TRPC3: variants seen among roughly 807,000 people sequenced by gnomAD.
TRPC3 encodes the protein short transient receptor potential channel 3.
In TRPC3, 54 loss-of-function variants were observed where a neutral mutation model predicts 90.9. The ratio of observed to expected loss-of-function variants is 0.59; its 90% CI spans 0.48 to 0.75. The LOEUF is 0.75. Ranked by LOEUF, TRPC3 falls within the 30% of genes least tolerant of loss-of-function variation. The pLI is 0.00. For missense variants in TRPC3, 918 were observed against 1,194.5 expected (o/e 0.77, Z 3.41); for synonymous variants, 424 against 450.9 (o/e 0.94, Z 0.75).
intron 1 of TRPC3, among the ~76,000 whole-genome samples, chr4:121,941,606 AG>A (rs1730314035): frequency 1.8e-4 from 5 of 27,596 alleles, no homozygotes; most frequent in Non-Finnish European, 3.7e-4. Context: ...AGAAAGTCAG[AG>A]AAGAAAAGAC....
At chr4:121,910,546 C>T (rs1729044286) in intron 5 of TRPC3, among the ~76,000 whole-genome samples, 159 bp from the exon 6 acceptor site, 1 of 152,116 alleles carries the variant, frequency 6.6e-6, no homozygotes, top group Non-Finnish European at 1.5e-5. Flanking sequence ...CACTGAGGCC[C>T]TGTGCAGAGT....
In TRPC3 at chr4:121,932,454, C is replaced by G; in HGVS notation, c.804G>C (p.Lys268Asn). The G allele has an allele frequency of 6.2e-7, 1 of 1,614,222 alleles. No homozygotes were observed. The highest frequency in any genetic ancestry group is 8.5e-7 in the Non-Finnish European group (1 of 1,180,040). ...RIERPHDYFC[K>N]CGDCMEKQRH... ...TCTGCTTCTCCATGCAGTCCCCGCA[C>G]TTGCAGAAATAGTCGTGCGGCCGCT... Residue 268 changes from lysine (K) to asparagine (N), a missense_variant, in exon 2 of 12, where the codon AAG becomes AAC. Lys to Asn is a moderately conservative substitution (Grantham distance 94, BLOSUM62 0). This residue lies in a region of TRPC3 where 609 missense variants were observed against 725.9 expected (regional missense o/e 0.84). Coordinates refer to ENST00000379645, the MANE Select transcript of TRPC3 (RefSeq NM_001130698.2). This position sits in a 1 kb window ranked among gnomAD's most constrained non-coding sequence, Gnocchi z 7.7.
intron 1 of TRPC3, among the ~76,000 whole-genome samples, chr4:121,945,769 G>T (rs1030402558): frequency 6.6e-6 from 1 of 152,090 alleles, no homozygotes; most frequent in Non-Finnish European, 1.5e-5. Context: ...TGCTCTAGAC[G>T]TGGGGATACC....
At chr4:121,921,659 G>A (rs1448692233) in intron 3 of TRPC3, among the ~76,000 whole-genome samples, 1 of 152,136 alleles carries the variant, frequency 6.6e-6, no homozygotes, top group Admixed American at 6.5e-5. Context: ...TTATCAGGGG[G>A]TGGGGGAGTC....
chr4:121,879,629 G>T lies in TRPC3; in HGVS notation c.*107C>A, dbSNP rs1578589656. The T allele has an allele frequency of 8.3e-7, 1 of 1,199,804 alleles. No homozygotes were observed. The allele number at this position is 1,199,804 out of a possible 1,614,324, so 74.3% of individuals were successfully genotyped here. On this transcript the variant is annotated 3_prime_UTR_variant, in exon 12 of 12. Transcript: ENST00000379645. ...AACTTTTAAAGGTTCACATGATAAA[G>T]GTAGTTAATACTAAAAATTTACATC... is the stretch of plus-strand genomic sequence containing the variant.
At chr4:121,926,974 T>C (rs1729740881) in intron 2 of TRPC3, among the ~76,000 whole-genome samples, 1 of 152,162 alleles carries the variant, frequency 6.6e-6, no homozygotes, top group African/African-American at 2.4e-5. Context: ...CATGTTAAGT[T>C]TGAGAATAAC....
intron 3 of TRPC3, among the ~76,000 whole-genome samples, chr4:121,924,061 G>T (rs1386979542): frequency 1.3e-5 from 2 of 151,092 alleles, no homozygotes; most frequent in East Asian, 3.9e-4. Context: ...GCAATAATCA[G>T]AGTAAAAAAA....
intron 2 of TRPC3, chr4:121,930,830 T>TAAAAAAA (rs71599162): frequency 1.2e-4 from 24 of 204,224 alleles, no homozygotes; most frequent in East Asian, 1.8e-4. Flanking sequence ...CTCTGAGATC[T>TAAAAAAA]AAAAAAAAAA....
intron 5 of TRPC3, among the ~76,000 whole-genome samples, chr4:121,910,998 A>G (rs374224075): frequency 9.4e-4 from 143 of 152,372 alleles, no homozygotes; most frequent in African/African-American, 3.3e-3. Flanking sequence ...TTCTGGGACA[A>G]GAGGACAAAA....
rs1298737927 is a variant in TRPC3, at chr4:121,877,003, T to C, written c.*2733A>G. Among the ~76,000 whole-genome samples, 1 of 152,238 alleles carries C rather than the reference T, an allele frequency of 6.6e-6. No homozygotes were observed. The highest frequency in any genetic ancestry group is 2.4e-5 in the African/African-American group (1 of 41,466). On this transcript the variant is annotated 3_prime_UTR_variant, in exon 12 of 12. Transcript: ENST00000379645. ...TTTTCTATAAAGTTGTTTTTGGTCC[T>C]GTTTAAATGCTCCCTTCTCTGAGTT...
chr4:121,951,542 G>GC lies in TRPC3; in HGVS notation c.138dup (p.Leu47AlafsTer58). 2.1e-6 allele frequency: 3 copies of GC among 1,420,012 alleles called. No individual in the cohort carries two copies. Among genetic ancestry groups the GC allele is most frequent in the Non-Finnish European group, 2.8e-6 (3 of 1,084,618 alleles). 88.0% of individuals were successfully genotyped at this position (1,420,012 alleles called of 1,614,324 possible). A position where few individuals can be genotyped will look rare whatever the true frequency, so the allele number is the denominator to read the frequency against. On this transcript the variant is annotated frameshift_variant, in exon 1 of 12. Transcript: ENST00000379645. LOFTEE classifies it high-confidence loss of function. This position sits in a 1 kb window ranked among gnomAD's most constrained non-coding sequence, Gnocchi z 4.4. ...TGCGAGGGCGCCGAGCGCGGCTCCAGCCCCCCGTTGACGCCCCTCCAGCCC... is the reference window on the plus strand; with the variant it reads ...TGCGAGGGCGCCGAGCGCGGCTCCAGCCCCCCCGTTGACGCCCCTCCAGCCC...
At chr4:121,918,287 T>C (rs182860986) in intron 3 of TRPC3, among the ~76,000 whole-genome samples, 2 of 152,326 alleles carry the variant, frequency 1.3e-5, no homozygotes, top group East Asian at 3.9e-4. Flanking sequence ...TTTGTTCTTA[T>C]AAGTCTCTCC....
In TRPC3 at chr4:121,909,713, T is replaced by C. The variant is rs144076185; in HGVS notation, c.1792+441A>G. 1.9e-3 allele frequency among the ~76,000 whole-genome samples: 283 copies of C among 152,292 alleles called. 1 individual carries two copies. The highest frequency in any genetic ancestry group is 3.5e-3 in the Non-Finnish European group (240 of 68,012). On this transcript the variant is annotated intron_variant, in intron 6 of 11. Coordinates refer to ENST00000379645, the MANE Select transcript of TRPC3 (RefSeq NM_001130698.2). The stretch of plus-strand genomic sequence containing the variant: ...CTTTAGAACCTACTTCCTGCCTCTG[T>C]TGAATTACCGTTCACTTTGCCTGCA...
At chr4:121,948,018 T>G (rs1730551071) in intron 1 of TRPC3, among the ~76,000 whole-genome samples, 1 of 152,198 alleles carries the variant, frequency 6.6e-6, no homozygotes, top group South Asian at 2.1e-4. Flanking sequence ...AAATCTAGCT[T>G]GGACTCCCTT....
chr4:121,892,171 C>A (rs1578602985), intron 10 of TRPC3, among the ~76,000 whole-genome samples: 1 of 152,164 alleles, frequency 6.6e-6, no homozygotes, highest in Non-Finnish European at 1.5e-5. Flanking sequence ...AAAGATAAAA[C>A]TTGAAACATA....
chr4:121,888,739 A>T (rs1461151086), intron 10 of TRPC3, among the ~76,000 whole-genome samples: 1 of 152,200 alleles, frequency 6.6e-6, no homozygotes. Flanking sequence ...TACCTATTAT[A>T]ATCAGGCTGC....
chr4:121,932,251 G>C lies in TRPC3; in HGVS notation c.987+20C>G. On this transcript the variant is annotated intron_variant, in intron 2 of 11. Coordinates refer to ENST00000379645, the MANE Select transcript of TRPC3 (RefSeq NM_001130698.2). The surrounding 1 kb of genome is among the most constrained non-coding windows in gnomAD (Gnocchi z 7.7). The stretch of plus-strand genomic sequence containing the variant: ...GTTGGGTGAGCACACAGAGCAGCCG[G>C]GGTAGAGCGCAAAGCTTACCTTGAA... 2.5e-6 allele frequency: 4 copies of C among 1,608,504 alleles called. No homozygotes were observed. The highest frequency in any genetic ancestry group is 1.1e-5 in the South Asian group (1 of 90,658).
At chr4:121,917,272 C>A (rs773800634) in intron 3 of TRPC3, among the ~76,000 whole-genome samples, 1 of 152,116 alleles carries the variant, frequency 6.6e-6, no homozygotes, top group African/African-American at 2.4e-5. Flanking sequence ...TTTGAACTCA[C>A]GAATATCAAA....
At chr4:121,905,208 TA>T in intron 7 of TRPC3, among the ~76,000 whole-genome samples, 1 of 152,192 alleles carries the variant, frequency 6.6e-6, no homozygotes. Context: ...CTTTTTTATA[TA>T]AAAAAATCTC....
Sources: gnomAD v4.1 joint callset for allele counts (sites outside exome capture counted in the v4.1 genomes callset) on GRCh38, gnomAD v4.1.1 for gene constraint, gnomAD v4.1.1 regional missense constraint, Gnocchi (gnomAD v3.1) non-coding constraint, MANE v1.5 for transcripts, NCBI Gene and HGNC (gene_info 2026-07-23, HGNC 2026-07-21) for gene names.